Variants in BBS7 observed in about 807,000 individuals in gnomAD.
The protein encoded by BBS7 is Bardet-Biedl syndrome 7, also known as BBSome complex member BBS7.
A neutral mutation model predicts 90.3 loss-of-function variants in BBS7; 50 were observed. That is an observed-to-expected ratio of 0.55 (90% CI 0.44 to 0.70). The LOEUF is 0.70. Ranked by LOEUF, BBS7 falls within the 30% of genes least tolerant of loss-of-function variation. BBS7 has a pLI of 0.00. For missense variants in BBS7, 729 were observed against 838.9 expected, an observed-to-expected ratio of 0.87 and a Z score of 1.62; for synonymous variants, 235 against 287.4, an observed-to-expected ratio of 0.82 and a Z score of 1.85.
intron 15 of BBS7, among the ~76,000 whole-genome samples, chr4:121,832,154 C>A (rs1306106552): frequency 6.6e-6 from 1 of 151,832 alleles, no homozygotes; most frequent in African/African-American, 2.4e-5. Context: ...ACCAGCTTGA[C>A]CAACATGGTG....
At chr4:121,860,411 T>G (rs1329628709) in intron 4 of BBS7, among the ~76,000 whole-genome samples, 1 of 152,102 alleles carries the variant, frequency 6.6e-6, no homozygotes, top group Non-Finnish European at 1.5e-5. Context: ...TATAAAACCT[T>G]ACAAATGTGG....
intron 7 of BBS7, among the ~76,000 whole-genome samples, chr4:121,854,331 A>T (rs1726483836): frequency 6.6e-6 from 1 of 152,186 alleles, no homozygotes; most frequent in Non-Finnish European, 1.5e-5. Flanking sequence ...TCCTTAGAAA[A>T]CAGGAATATT....
rs749112972 is a variant in BBS7 at position 121,839,582 on chromosome 4, A to T, written c.1371+49T>A. 1.9e-5 allele frequency: 27 copies of T among 1,444,432 alleles called. No individual in the cohort carries two copies. In the East Asian group the frequency reaches 6.2e-4, roughly 33 times the overall value. The allele number at this position is 1,444,432 out of a possible 1,614,324, so 89.5% of individuals were successfully genotyped here. A position where few individuals can be genotyped will look rare whatever the true frequency, so the allele number is the denominator to read the frequency against. ...ATATGTTGTAAGACATACCAGCAGG[A>T]AAAAGGAAATTCAAACATTCAAGTA... On this transcript the variant is annotated intron_variant, in intron 13 of 18. Coordinates refer to ENST00000264499, the MANE Select transcript of BBS7 (RefSeq NM_176824.3).
intron 18 of BBS7, chr4:121,827,671 G>T: frequency 1.7e-6 from 1 of 596,472 alleles, no homozygotes; most frequent in Non-Finnish European, 2.1e-6. Flanking sequence ...TACAATTTGT[G>T]AAACATTCAG....
At chr4:121,849,031 A>G (rs991164764) in intron 8 of BBS7, 103 bp from the exon 9 acceptor site, 1 of 818,464 alleles carries the variant, frequency 1.2e-6, no homozygotes, top group Non-Finnish European at 2.1e-6. Flanking sequence ...CATTCAACAT[A>G]TATTTACTGA....
At chr4:121,838,493 T>A (rs906846141) in intron 13 of BBS7, among the ~76,000 whole-genome samples, 1 of 152,068 alleles carries the variant, frequency 6.6e-6, no homozygotes, top group Admixed American at 6.6e-5. Flanking sequence ...CAGATTTGTG[T>A]GCTATGGTAA....
At position 121,833,373 on chromosome 4, in the gene BBS7, T is replaced by C; in HGVS notation, c.1534A>G (p.Thr512Ala). Reference sequence around the variant, plus strand: ...ACTTCAGCAAAACTGAACTGGCCTGTTAGGGTCAGTGTATTCATGGGTCTG... The same window carrying C: ...ACTTCAGCAAAACTGAACTGGCCTGCTAGGGTCAGTGTATTCATGGGTCTG... ...HDRPMNTLTL[T>A]GQFSFAEVHS... Residue 512 changes from threonine to alanine, a missense_variant, in exon 15 of 19, where the codon ACA becomes GCA. Thr to Ala is a moderately conservative substitution (Grantham distance 58). Coordinates refer to ENST00000264499, the MANE Select transcript of BBS7 (RefSeq NM_176824.3). 1 of 1,613,960 alleles carries C rather than the reference T, an allele frequency of 6.2e-7. No homozygotes were observed. The highest frequency in any genetic ancestry group is 8.5e-7 in the Non-Finnish European group (1 of 1,179,908).
intron 8 of BBS7, among the ~76,000 whole-genome samples, chr4:121,849,194 C>T (rs1343737524): frequency 6.6e-6 from 1 of 152,114 alleles, no homozygotes; most frequent in East Asian, 1.9e-4. Context: ...ACCTAATGAG[C>T]AAAAATAGTT....
intron 3 of BBS7, among the ~76,000 whole-genome samples, chr4:121,862,799 T>C (rs934702136): frequency 1.3e-5 from 2 of 152,158 alleles, no homozygotes; most frequent in Admixed American, 1.3e-4. Flanking sequence ...AGTCCTATAA[T>C]AGCAAGGAAC....
At position 121,828,696 on chromosome 4, in the gene BBS7, ATGT is replaced by A. The variant is rs1354458052; in HGVS notation, c.1706_1708del (p.Asn569del). ...ATCTTTTAGGATGGAGATAGTAGAAATGTTGTCAGATTTAAAAACTCCCTCTCC... is the reference window on the plus strand; with the variant it reads ...ATCTTTTAGGATGGAGATAGTAGAAATGTCAGATTTAAAAACTCCCTCTCC... On this transcript the variant is annotated inframe_deletion, in exon 16 of 19. Coordinates refer to ENST00000264499, the MANE Select transcript of BBS7 (RefSeq NM_176824.3). 6 of 1,604,932 alleles carry A rather than the reference ATGT, an allele frequency of 3.7e-6. No homozygotes were observed. The highest frequency in any genetic ancestry group is 1.7e-5 in the Admixed American group (1 of 59,654).
intron 12 of BBS7, among the ~76,000 whole-genome samples, chr4:121,842,592 C>T (rs893872818): frequency 2.0e-5 from 3 of 149,776 alleles, no homozygotes; most frequent in Admixed American, 6.7e-5. Flanking sequence ...GCCATGATCA[C>T]GCCACTGCAC....
chr4:121,868,185 T>G, intron 1 of BBS7, 139 bp from the exon 2 acceptor site: 1 of 752,256 alleles, frequency 1.3e-6, no homozygotes, highest in East Asian at 2.7e-5. Flanking sequence ...TCTAATGAGA[T>G]ATGTCATATT....
intron 15 of BBS7, among the ~76,000 whole-genome samples, chr4:121,829,290 A>C (rs867782644): frequency 6.1e-5 from 9 of 147,670 alleles, no homozygotes; most frequent in Admixed American, 2.7e-4. Flanking sequence ...GCTGGAGTGC[A>C]GTGGCGTGAT....
Position 121,863,207 on chromosome 4 carries a change from C to T in BBS7, c.165+10G>A, listed in dbSNP as rs1279977691. ...AAAACCATTTTTCCCCTTCACAAAG[C>T]TATACTTACTGCTGCTTCTCCTTTC... On this transcript the variant is annotated intron_variant, in intron 3 of 18. Transcript: ENST00000264499. 1.2e-6 allele frequency: 2 copies of T among 1,613,388 alleles called. No homozygotes were observed. The highest frequency in any genetic ancestry group is 2.2e-5 in the South Asian group (2 of 91,030).
In BBS7 at chr4:121,835,267, C is replaced by T. The variant is rs1725396256; in HGVS notation, c.1388G>A (p.Gly463Asp). The T allele has an allele frequency of 1.2e-6, 2 of 1,613,484 alleles. No homozygotes were observed. The highest frequency in any genetic ancestry group is 1.1e-5 in the South Asian group (1 of 91,058). Reference sequence around the variant, plus strand: ...ATATGCTTGTAGTGTGCCATACTGGCCTTCAATTGAGCGAATCTGATTCAA... The same window carrying T: ...ATATGCTTGTAGTGTGCCATACTGGTCTTCAATTGAGCGAATCTGATTCAA... ...RLELKIRSIE[G>D]QYGTLQAYVT... The change falls in exon 14 of 19, where the codon GGC (glycine) becomes GAC (aspartate). Residue 463 changes from glycine (G) to aspartate (D), a missense_variant. By Grantham distance (94) the Gly-to-Asp change is moderately conservative. Coordinates refer to ENST00000264499, the MANE Select transcript of BBS7 (RefSeq NM_176824.3).
At chr4:121,835,603 T>C (rs1315099732) in intron 13 of BBS7, among the ~76,000 whole-genome samples, 1 of 152,130 alleles carries the variant, frequency 6.6e-6, no homozygotes, top group African/African-American at 2.4e-5. Flanking sequence ...TTAAGCAAGA[T>C]TTTTTGCAAA....
At chr4:121,858,261 G>C (rs1251431587) in intron 5 of BBS7, among the ~76,000 whole-genome samples, 1 of 152,054 alleles carries the variant, frequency 6.6e-6, no homozygotes, top group Admixed American at 6.6e-5. Flanking sequence ...GGACTTCACA[G>C]CTCAACTTTT....
At chr4:121,849,256 A>C (rs1560654792) in intron 8 of BBS7, among the ~76,000 whole-genome samples, 1 of 152,226 alleles carries the variant, frequency 6.6e-6, no homozygotes, top group Non-Finnish European at 1.5e-5. Flanking sequence ...GCTGGAGAGC[A>C]GTGGTGCAAT....
chr4:121,832,298 G>A (rs558160753), intron 15 of BBS7, among the ~76,000 whole-genome samples: 24 of 152,138 alleles, frequency 1.6e-4, no homozygotes, highest in African/African-American at 4.8e-4. Context: ...CTCTAACCTG[G>A]GTGACAGAGT....
Sources: gnomAD v4.1 joint callset for allele counts (sites outside exome capture counted in the v4.1 genomes callset) on GRCh38, gnomAD v4.1.1 for gene constraint, MANE v1.5 for transcripts, NCBI Gene and HGNC (gene_info 2026-07-23, HGNC 2026-07-21) for gene names.